NALF1: variants seen among roughly 807,000 people sequenced by gnomAD.
NALF1 encodes NALCN channel auxiliary factor 1, also known as family with sequence similarity 155 member A.
In NALF1, 3 loss-of-function variants were observed where a neutral mutation model predicts 48.4. The observed-to-expected ratio is 0.06, with a 90% CI of 0.03 to 0.16. NALF1 has a LOEUF of 0.16. NALF1 is among the 10% of genes least tolerant of loss of function. NALF1 has a pLI of 1.00. For missense variants in NALF1, 526 were observed against 571.5 expected (o/e 0.92, Z 0.81); for synonymous variants, 262 against 245.7 (o/e 1.07, Z -0.62).
At chr13:107,795,060 A>G (rs999454078) in intron 1 of NALF1, among the ~76,000 whole-genome samples, 3 of 152,182 alleles carry the variant, frequency 2.0e-5, no homozygotes, top group African/African-American at 7.2e-5. Context: ...ATTTGCATAC[A>G]AAAGTAATTG....
chr13:107,709,251 T>C (rs564614061), intron 1 of NALF1, among the ~76,000 whole-genome samples: 2 of 152,310 alleles, frequency 1.3e-5, no homozygotes, highest in East Asian at 1.9e-4. Flanking sequence ...TGAAAAAATA[T>C]ACTTGTGTGT....
intron 1 of NALF1, among the ~76,000 whole-genome samples, chr13:107,767,481 T>A (rs1335307320): frequency 6.6e-6 from 1 of 152,226 alleles, no homozygotes; most frequent in Non-Finnish European, 1.5e-5. Flanking sequence ...GGATTTCAGC[T>A]GTTGGCTCTC....
intron 1 of NALF1, 48 bp from the exon 2 acceptor site, chr13:107,210,803 C>G (rs1358089098): frequency 1.5e-6 from 2 of 1,361,768 alleles, no homozygotes; most frequent in Admixed American, 1.7e-5. Context: ...ACAACAGTTA[C>G]AGTGATAGAG....
chr13:107,570,580 T>A (rs1422000930), intron 1 of NALF1, among the ~76,000 whole-genome samples: 1 of 149,742 alleles, frequency 6.7e-6, no homozygotes, highest in Non-Finnish European at 1.5e-5. Flanking sequence ...TTATTTATTT[T>A]ATTTTATTAT....
chr13:107,394,709 C>A (rs1883682495), intron 1 of NALF1, among the ~76,000 whole-genome samples: 1 of 152,072 alleles, frequency 6.6e-6, no homozygotes. Flanking sequence ...AATGCCTACA[C>A]TAAGGCAAAC....
At chr13:107,695,951 C>T (rs2138507936) in intron 1 of NALF1, among the ~76,000 whole-genome samples, 1 of 149,374 alleles carries the variant, frequency 6.7e-6, no homozygotes, top group Non-Finnish European at 1.5e-5. Context: ...GGCTGGGGTG[C>T]AACTGCACAA....
At chr13:107,773,347 G>A (rs530045133) in intron 1 of NALF1, among the ~76,000 whole-genome samples, 1 of 152,202 alleles carries the variant, frequency 6.6e-6, no homozygotes, top group African/African-American at 2.4e-5. Flanking sequence ...ATCATACTCA[G>A]AATAAACAAG....
chr13:107,309,037 C>G (rs1298658459), intron 1 of NALF1, among the ~76,000 whole-genome samples: 1 of 152,200 alleles, frequency 6.6e-6, no homozygotes, highest in Non-Finnish European at 1.5e-5. Context: ...GTTTATCTAT[C>G]TCCTACAATG....
chr13:107,498,368 A>C (rs1194998513), intron 1 of NALF1, among the ~76,000 whole-genome samples: 3 of 152,184 alleles, frequency 2.0e-5, no homozygotes, highest in African/African-American at 7.2e-5. Flanking sequence ...GTGGCAGATT[A>C]AGAACAATTT....
rs140723430 is a variant in NALF1, at chr13:107,697,518, T to A, written c.915+168164A>T. On this transcript the variant is annotated intron_variant, in intron 1 of 2. Coordinates refer to ENST00000375915, the MANE Select transcript of NALF1 (RefSeq NM_001080396.3). The stretch of plus-strand genomic sequence containing the variant: ...ATTGTGTTTTTCACCTATAATTAGT[T>A]TCCTACATTAAGCATTTTTATTTTT... Among the ~76,000 whole-genome samples, 12 of 152,286 alleles carry A rather than the reference T, an allele frequency of 7.9e-5. No individual in the cohort carries two copies. In the East Asian group the frequency reaches 2.1e-3, roughly 27 times the overall value.
chr13:107,260,897 A>G (rs771986610), intron 1 of NALF1, among the ~76,000 whole-genome samples: 15 of 152,158 alleles, frequency 9.9e-5, no homozygotes, highest in Non-Finnish European at 1.9e-4. Context: ...TGACGTTAAC[A>G]TGCTTCTCTT....
intron 1 of NALF1, among the ~76,000 whole-genome samples, chr13:107,291,530 C>T (rs1018156018): frequency 2.0e-5 from 3 of 151,192 alleles, no homozygotes; most frequent in African/African-American, 4.9e-5. Flanking sequence ...GACTTGGGTC[C>T]AATCCCTGAA....
chr13:107,642,352 C>T (rs1594178936), intron 1 of NALF1, among the ~76,000 whole-genome samples: 1 of 152,282 alleles, frequency 6.6e-6, no homozygotes, highest in East Asian at 1.9e-4. Flanking sequence ...CAGCATTTAT[C>T]CATGCATCCA....
At chr13:107,340,588 G>A (rs1274262423) in intron 1 of NALF1, among the ~76,000 whole-genome samples, 1 of 151,494 alleles carries the variant, frequency 6.6e-6, no homozygotes, top group Admixed American at 6.6e-5. Flanking sequence ...TACAGGAAGA[G>A]AGGAACAGTT....
intron 1 of NALF1, among the ~76,000 whole-genome samples, chr13:107,369,860 G>A (rs938549659): frequency 1.3e-5 from 2 of 152,228 alleles, no homozygotes; most frequent in Non-Finnish European, 2.9e-5. Context: ...TGGCTTTGAG[G>A]CCAATGTAAG....
chr13:107,844,679 G>A (rs1880125449), intron 1 of NALF1, among the ~76,000 whole-genome samples: 1 of 152,084 alleles, frequency 6.6e-6, no homozygotes, highest in Non-Finnish European at 1.5e-5. Context: ...TTTGACAATG[G>A]AATGAATACA....
chr13:107,677,792 ATAAT>A (rs1277620573), intron 1 of NALF1, among the ~76,000 whole-genome samples: 1 of 150,448 alleles, frequency 6.6e-6, no homozygotes, highest in Admixed American at 6.6e-5. Flanking sequence ...TATACTGTAA[ATAAT>A]TAAAATGCAG....
intron 1 of NALF1, among the ~76,000 whole-genome samples, chr13:107,635,212 A>G (rs764741759): frequency 4.6e-5 from 7 of 152,134 alleles, no homozygotes; most frequent in Non-Finnish European, 1.0e-4. Flanking sequence ...CTATGAAGAC[A>G]TACCTGAGAC....
At chr13:107,595,741 G>A (rs1202328959) in intron 1 of NALF1, among the ~76,000 whole-genome samples, 2 of 152,128 alleles carry the variant, frequency 1.3e-5, no homozygotes, top group African/African-American at 4.8e-5. Flanking sequence ...ATGGAAAAGT[G>A]AAAACTCAGA....
Sources: allele counts gnomAD v4.1 joint callset (sites outside exome capture counted in the v4.1 genomes callset), GRCh38; gene constraint gnomAD v4.1.1; transcripts MANE v1.5; gene names NCBI Gene and HGNC (gene_info 2026-07-23, HGNC 2026-07-21).